KDM1A: variants seen among roughly 807,000 people sequenced by gnomAD.
The protein encoded by KDM1A is lysine demethylase 1A.
In KDM1A, 49 loss-of-function variants were observed where a neutral mutation model predicts 109.4. The observed-to-expected ratio is 0.45, with a 90% CI of 0.36 to 0.57. The LOEUF is 0.57. KDM1A is among the 20% of genes least tolerant of loss of function. KDM1A has a pLI of 0.00. For missense variants in KDM1A, 668 were observed against 1,116.6 expected (o/e 0.60, Z 5.73); for synonymous variants, 380 against 415.4 (o/e 0.91, Z 1.04).
chr1:23,053,892 C>G (rs762530775), intron 5 of KDM1A, 53 bp downstream of exon 5: 1 of 964,092 alleles, frequency 1.0e-6, no homozygotes, highest in East Asian at 2.4e-5. Flanking sequence ...AAAATTGATA[C>G]GTTCTTCTAG....
Position 23,079,799 on chromosome 1 carries a change from T to G in KDM1A, c.2170+132T>G. On this transcript the variant is annotated intron_variant, in intron 18 of 20. Coordinates refer to ENST00000400181, the MANE Select transcript of KDM1A (RefSeq NM_001009999.3). The surrounding 1 kb of genome is among the most constrained non-coding windows in gnomAD (Gnocchi z 5.6). ...CTCAACAAACAATTCCTGAAATACC[T>G]TCTAGGTACTGGGGTATAAAAATAC... 5.6e-6 allele frequency: 3 copies of G among 538,460 alleles called. No homozygotes were observed. Among genetic ancestry groups the G allele is most frequent in the South Asian group, 2.2e-5 (1 of 44,496 alleles). 33.4% of individuals were successfully genotyped at this position (538,460 alleles called of 1,614,324 possible).
chr1:23,083,631 G>T lies in KDM1A; in HGVS notation c.*267G>T. 1 of 303,950 alleles carries T rather than the reference G, an allele frequency of 3.3e-6. No individual in the cohort carries two copies. The highest frequency in any genetic ancestry group is 4.9e-5 in the Admixed American group (1 of 20,550). 18.8% of individuals were successfully genotyped at this position (303,950 alleles called of 1,614,324 possible). On this transcript the variant is annotated 3_prime_UTR_variant, in exon 21 of 21. Coordinates refer to ENST00000400181, the MANE Select transcript of KDM1A (RefSeq NM_001009999.3). ...TGAAATAACATCATCTTAGTCCCTT[G>T]GTGTGTGGGGTTTTTGTTTTTTTTT...
chr1:23,045,109 G>T (rs561091253), intron 3 of KDM1A, among the ~76,000 whole-genome samples: 21 of 152,256 alleles, frequency 1.4e-4, no homozygotes, highest in African/African-American at 5.1e-4. Context: ...AAAAAGTAAA[G>T]AATTTATAGG....
chr1:23,035,785 A>G (rs1459338042), intron 2 of KDM1A, among the ~76,000 whole-genome samples: 1 of 152,222 alleles, frequency 6.6e-6, no homozygotes, highest in African/African-American at 2.4e-5. Context: ...TTGAGGACCA[A>G]AAATTTGATG....
chr1:23,019,547 A>G lies in KDM1A; in HGVS notation c.-50A>G, dbSNP rs1641539429. 2 of 1,346,240 alleles carry G rather than the reference A, an allele frequency of 1.5e-6. No homozygotes were observed. The highest frequency in any genetic ancestry group is 3.0e-5 in the African/African-American group (2 of 66,278). The allele number at this position is 1,346,240 out of a possible 1,614,324, so 83.4% of individuals were successfully genotyped here. ...GAGGCAAGGCTTTTCGGACCCACGG[A>G]GCGACAGAGCGAGCGGCCCCTACGG... On this transcript the variant is annotated 5_prime_UTR_variant, in exon 1 of 21. Transcript: ENST00000400181.
At chr1:23,037,782 C>CTGTA (rs1642193746) in intron 2 of KDM1A, among the ~76,000 whole-genome samples, 2 of 152,190 alleles carry the variant, frequency 1.3e-5, no homozygotes, top group Admixed American at 1.3e-4. Context: ...GAATCAGATG[C>CTGTA]TACAAGTTTA....
At chr1:23,080,920 C>G (rs1186583088) in intron 18 of KDM1A, 1 of 152,436 alleles carries the variant, frequency 6.6e-6, no homozygotes, top group Admixed American at 6.5e-5. Context: ...ATCTGTTGCT[C>G]TATTGGAGTA....
chr1:23,057,703 G>A, intron 8 of KDM1A, 138 bp downstream of exon 8: 1 of 520,808 alleles, frequency 1.9e-6, no homozygotes, highest in Middle Eastern at 3.2e-4. Flanking sequence ...GCAGTATGTG[G>A]AAAATGTAAA....
At chr1:23,072,233 C>T (rs746353020) in intron 14 of KDM1A, 36 bp downstream of exon 14, 12 of 1,439,910 alleles carry the variant, frequency 8.3e-6, no homozygotes, top group South Asian at 1.2e-5. Flanking sequence ...AGAGGGAGAG[C>T]TTTTACTGTT....
rs371516621 is a variant in KDM1A at position 23,044,924 on chromosome 1, A to G, written c.577+438A>G. 1.1e-4 allele frequency among the ~76,000 whole-genome samples: 16 copies of G among 152,318 alleles called. No individual in the cohort carries two copies. The East Asian group carries it at 3.1e-3, about 29-fold the overall frequency. On this transcript the variant is annotated intron_variant, in intron 3 of 20. Coordinates refer to ENST00000400181, the MANE Select transcript of KDM1A (RefSeq NM_001009999.3). ...GTCAGAGGAACTATGTGGGCAAGTG[A>G]CATCTTTTTAAAAATGGTTGTTACA...
intron 14 of KDM1A, among the ~76,000 whole-genome samples, chr1:23,073,012 G>A (rs1349101718): frequency 6.6e-6 from 1 of 151,782 alleles, no homozygotes; most frequent in Admixed American, 6.6e-5. Context: ...AAGCTTTTAT[G>A]ATATAAGGTG....
chr1:23,029,444 G>A lies in KDM1A; in HGVS notation c.352-1025G>A, dbSNP rs542284617. Among the ~76,000 whole-genome samples the A allele has an allele frequency of 1.6e-4, 25 of 152,104 alleles. No homozygotes were observed. In the South Asian group the frequency reaches 3.7e-3, roughly 23 times the overall value. ...AATTTTGAAGACTATCTGTAATACC[G>A]TATTACACATTTTGGCTAACCAATC... On this transcript the variant is annotated intron_variant, in intron 1 of 20. Transcript: ENST00000400181.
chr1:23,036,104 A>G (rs563411120), intron 2 of KDM1A, among the ~76,000 whole-genome samples: 102 of 152,060 alleles, frequency 6.7e-4, no homozygotes, highest in African/African-American at 2.2e-3. Flanking sequence ...TGCTGTAACT[A>G]TTCTCAAGTG....
At chr1:23,044,394 A>G (rs2124430680) in intron 2 of KDM1A, 33 bp from the exon 3 acceptor site, 1 of 1,602,102 alleles carries the variant, frequency 6.2e-7, no homozygotes, top group Non-Finnish European at 8.5e-7. Context: ...TTTATGGAGT[A>G]AGGTCCCTGA....
At chr1:23,023,504 A>G (rs1005159635) in intron 1 of KDM1A, among the ~76,000 whole-genome samples, 1 of 152,176 alleles carries the variant, frequency 6.6e-6, no homozygotes, top group Non-Finnish European at 1.5e-5. Flanking sequence ...TTAACTATAA[A>G]TCTAAGAGTT....
At position 23,019,562 on chromosome 1, in the gene KDM1A, G is replaced by T. The variant is rs966419506; in HGVS notation, c.-35G>T. The T allele has an allele frequency of 4.3e-6, 6 of 1,381,786 alleles. No individual in the cohort carries two copies. The highest frequency in any genetic ancestry group is 4.7e-6 in the Non-Finnish European group (5 of 1,072,272). 85.6% of individuals were successfully genotyped at this position (1,381,786 alleles called of 1,614,324 possible). ...GGACCCACGGAGCGACAGAGCGAGC[G>T]GCCCCTACGGCCGTCGGCGGCCCGG... is the stretch of plus-strand genomic sequence containing the variant. On this transcript the variant is annotated 5_prime_UTR_variant, in exon 1 of 21. Transcript: ENST00000400181.
intron 2 of KDM1A, among the ~76,000 whole-genome samples, chr1:23,037,129 T>TATACACACACAC (rs112388712): frequency 6.8e-6 from 1 of 147,636 alleles, no homozygotes; most frequent in African/African-American, 2.5e-5. Context: ...AAAATATATA[T>TATACACACACAC]ACACACACAC....
chr1:23,034,445 T>A (rs1204867393), intron 2 of KDM1A, among the ~76,000 whole-genome samples: 1 of 152,216 alleles, frequency 6.6e-6, no homozygotes, highest in Non-Finnish European at 1.5e-5. Flanking sequence ...CTTCATTGAT[T>A]TAGAATAATT....
intron 2 of KDM1A, among the ~76,000 whole-genome samples, chr1:23,040,357 G>A (rs548332128): frequency 6.6e-6 from 1 of 152,318 alleles, no homozygotes; most frequent in East Asian, 1.9e-4. Flanking sequence ...TCAGTAATGT[G>A]ATTATAACTA....
Sources: allele counts gnomAD v4.1 joint callset (sites outside exome capture counted in the v4.1 genomes callset), GRCh38; gene constraint gnomAD v4.1.1; non-coding constraint Gnocchi (gnomAD v3.1); transcripts MANE v1.5; gene names NCBI Gene and HGNC (gene_info 2026-07-23, HGNC 2026-07-21).